ZNF506: variants seen among roughly 807,000 people sequenced by gnomAD.
The protein encoded by ZNF506 is zinc finger protein 506.
Under a neutral mutation model 11.6 loss-of-function variants are expected in ZNF506, and 10 were observed. The observed-to-expected ratio is 0.86, with a 90% confidence interval of 0.53 to 1.46. ZNF506 has a LOEUF of 1.46. Among genes scored for constraint, ZNF506 ranks in the 40% most tolerant of loss-of-function variants. The probability of loss-of-function intolerance (pLI) is 0.00; values close to 1 mark genes in which losing one functional copy is unlikely to be tolerated. For missense variants in ZNF506, 425 were observed against 521.2 expected, an observed-to-expected ratio of 0.82 and a Z score of 1.80; for synonymous variants, 156 against 173.3, an observed-to-expected ratio of 0.90 and a Z score of 0.78.
intron 1 of ZNF506, among the ~76,000 whole-genome samples, chr19:19,814,674 G>A (rs987502586): frequency 2.6e-5 from 4 of 151,640 alleles, no homozygotes; most frequent in Admixed American, 6.6e-5. Flanking sequence ...AAACCTACAT[G>A]TGTACCCTGA....
At chr19:19,795,690 C>T in intron 3 of ZNF506, 30 bp from the exon 4 acceptor site, 1 of 1,477,342 alleles carries the variant, frequency 6.8e-7, no homozygotes, top group Non-Finnish European at 9.0e-7. Flanking sequence ...CACATGACTT[C>T]AATTGCTAGA....
chr19:19,820,901 C>T (rs1040345759), intron 1 of ZNF506, among the ~76,000 whole-genome samples: 5 of 151,968 alleles, frequency 3.3e-5, no homozygotes, highest in African/African-American at 1.2e-4. Flanking sequence ...CTCCCCCCTC[C>T]CCGTTTGTGT....
intron 1 of ZNF506, among the ~76,000 whole-genome samples, chr19:19,818,170 T>C (rs1351029756): frequency 1.3e-5 from 2 of 152,150 alleles, no homozygotes; most frequent in Non-Finnish European, 2.9e-5. Flanking sequence ...AGCAAATATA[T>C]CTACTTCTTT....
intron 1 of ZNF506, among the ~76,000 whole-genome samples, chr19:19,818,508 G>A (rs993206830): frequency 2.0e-5 from 3 of 152,128 alleles, no homozygotes; most frequent in Non-Finnish European, 4.4e-5. Context: ...CTAAGGCTTA[G>A]AATTCTGTTT....
chr19:19,817,590 G>C (rs909960927), intron 1 of ZNF506, among the ~76,000 whole-genome samples: 1 of 152,034 alleles, frequency 6.6e-6, no homozygotes, highest in African/African-American at 2.4e-5. Context: ...CAGAATAAAG[G>C]CTTCTTCTAT....
Position 19,795,037 on chromosome 19 carries a change from G to A in ZNF506, c.850C>T (p.Pro284Ser). The A allele has an allele frequency of 1.2e-6, 2 of 1,613,754 alleles. No individual in the cohort carries two copies. The highest frequency in any genetic ancestry group is 2.2e-5 in the East Asian group (1 of 44,856). The change falls in exon 4 of 4, where the codon CCA becomes TCA. Residue 284 changes from proline to serine, a missense_variant. Around this residue, in one of 3 missense-constraint regions of ZNF506, gnomAD observed 192 missense variants for 215.7 expected, o/e 0.89. Coordinates refer to ENST00000540806, the MANE Select transcript of ZNF506 (RefSeq NM_001099269.3). ...SHKKIHTGEK[P>S]YKCDKCGKAF... ...TTGCCACATTTATCACACTTGTATGGTTTCTCTCCAGTATGAATTTTCTTA... is the reference window on the plus strand; with the variant it reads ...TTGCCACATTTATCACACTTGTATGATTTCTCTCCAGTATGAATTTTCTTA...
At chr19:19,802,564 T>A (rs60107993) in intron 3 of ZNF506, among the ~76,000 whole-genome samples, 128 of 152,320 alleles carry the variant, frequency 8.4e-4, no homozygotes, top group African/African-American at 3.0e-3. Context: ...TACATTATTA[T>A]TTAGATATAG....
intron 3 of ZNF506, chr19:19,798,851 T>G (rs1439161614): frequency 1.3e-5 from 2 of 152,058 alleles, no homozygotes; most frequent in Non-Finnish European, 2.9e-5. Flanking sequence ...AATATAATTA[T>G]CTTTCCAATC....
At chr19:19,801,625 G>A (rs1444324739) in intron 3 of ZNF506, among the ~76,000 whole-genome samples, 2 of 150,406 alleles carry the variant, frequency 1.3e-5, no homozygotes, top group Non-Finnish European at 3.0e-5. Flanking sequence ...ACCCCATCTC[G>A]ACTAAAAATA....
chr19:19,806,030 C>T lies in ZNF506; in HGVS notation c.226+1G>A. ...TCCTATTCATTTTCACTCGCACCTA[C>T]CTGGGGGTTTGGCAATCATCTCATG... On this transcript the variant is annotated splice_donor_variant, in intron 3 of 3. Coordinates refer to ENST00000540806, the MANE Select transcript of ZNF506 (RefSeq NM_001099269.3). LOFTEE classifies it high-confidence loss of function. The T allele has an allele frequency of 1.2e-6, 2 of 1,605,104 alleles. No individual in the cohort carries two copies. Among genetic ancestry groups the T allele is most frequent in the Non-Finnish European group, 1.7e-6 (2 of 1,176,990 alleles).
intron 1 of ZNF506, among the ~76,000 whole-genome samples, chr19:19,810,894 C>T (rs901358501): frequency 7.9e-5 from 12 of 151,966 alleles, no homozygotes; most frequent in Non-Finnish European, 1.2e-4. Flanking sequence ...CTAATCAGTT[C>T]TGTGAGGCAA....
At chr19:19,804,106 G>GCTT (rs1374340877) in intron 3 of ZNF506, among the ~76,000 whole-genome samples, 3 of 152,118 alleles carry the variant, frequency 2.0e-5, no homozygotes, top group South Asian at 2.1e-4. Context: ...AAACTAAAGA[G>GCTT]CTTCTGCACA....
chr19:19,794,858 A>C lies in ZNF506; in HGVS notation c.1029T>G (p.Cys343Trp). 1 of 1,613,862 alleles carries C rather than the reference A, an allele frequency of 6.2e-7. No individual in the cohort carries two copies. Residue 343 changes from cysteine (C) to tryptophan (W), a missense_variant, in exon 4 of 4, where the codon TGT (cysteine) becomes TGG (tryptophan). This residue lies in a region of ZNF506 where 192 missense variants were observed against 215.7 expected (regional missense o/e 0.89). Transcript: ENST00000540806. Reference sequence around the variant, plus strand: ...AGGTAAAGGTTTTGCCACATTCGTCACATTTGTAGGGTACATCTCCAGTAT... The same window carrying C: ...AGGTAAAGGTTTTGCCACATTCGTCCCATTTGTAGGGTACATCTCCAGTAT... ...RIHTGDVPYKCDECGKTFTWY... is the reference protein window; with the variant it reads ...RIHTGDVPYKWDECGKTFTWY...
chr19:19,798,859 A>G (rs1758549871), intron 3 of ZNF506: 2 of 152,062 alleles, frequency 1.3e-5, no homozygotes, highest in Admixed American at 6.5e-5. Context: ...TATCTTTCCA[A>G]TCAAGAGACA....
At position 19,795,656 on chromosome 19, in the gene ZNF506, C is replaced by T. The variant is rs765143844; in HGVS notation, c.231G>A (p.Met77Ile). 1.9e-5 allele frequency: 28 copies of T among 1,494,362 alleles called. No individual in the cohort carries two copies. In the African/African-American group the frequency reaches 3.0e-4, roughly 16 times the overall value. The allele number at this position is 1,494,362 out of a possible 1,614,324, so 92.6% of individuals were successfully genotyped here. A position where few individuals can be genotyped will look rare whatever the true frequency, so the allele number is the denominator to read the frequency against. Residue 77 changes from methionine to isoleucine, a missense_variant, in exon 4 of 4, where the codon ATG (methionine) becomes ATA (isoleucine). This residue lies in a region of ZNF506 where 226 missense variants were observed against 279.1 expected (regional missense o/e 0.81). Coordinates refer to ENST00000540806, the MANE Select transcript of ZNF506 (RefSeq NM_001099269.3). ...AAAGGTCTTGGGCAAAATGAGAATA[C>T]ATAACTGAAAGAAACAATAAAAACA... ...RHEMIAKPPV[M>I]YSHFAQDLWS...
chr19:19,820,823 A>C (rs961957960), intron 1 of ZNF506, among the ~76,000 whole-genome samples: 1 of 152,080 alleles, frequency 6.6e-6, no homozygotes, highest in African/African-American at 2.4e-5. Context: ...CAAACAACAA[A>C]CTGTAGCTGG....
At chr19:19,814,205 T>C (rs2062908900) in intron 1 of ZNF506, among the ~76,000 whole-genome samples, 2 of 151,734 alleles carry the variant, frequency 1.3e-5, no homozygotes, top group African/African-American at 2.4e-5. Flanking sequence ...GGTGCGGAGT[T>C]TGAGACCAGC....
rs773116570 is a variant in ZNF506 at position 19,794,744 on chromosome 19, G to T, written c.1143C>A (p.Phe381Leu). The change falls in exon 4 of 4, where the codon TTC becomes TTA. Residue 381 changes from phenylalanine to leucine, a missense_variant. This residue lies in a region of ZNF506 where 192 missense variants were observed against 215.7 expected (regional missense o/e 0.89). Transcript: ENST00000540806. ...CEECGKAFTA[F>L]STLTEHKIIH... is the part of the protein sequence containing the mutation. Reference sequence around the variant, plus strand: ...TTATCTTATGTTCAGTTAGAGTTGAGAATGCAGTAAAGGCTTTGCCACATT... The same window carrying T: ...TTATCTTATGTTCAGTTAGAGTTGATAATGCAGTAAAGGCTTTGCCACATT... The T allele has an allele frequency of 6.2e-7, 1 of 1,613,448 alleles. No individual in the cohort carries two copies. Among genetic ancestry groups the T allele is most frequent in the Non-Finnish European group, 8.5e-7 (1 of 1,179,832 alleles).
intron 1 of ZNF506, among the ~76,000 whole-genome samples, chr19:19,818,598 T>C (rs1005830336): frequency 2.6e-5 from 4 of 152,192 alleles, no homozygotes; most frequent in African/African-American, 9.7e-5. Flanking sequence ...ATGAGAATTA[T>C]TAACAAATAG....
Sources: gnomAD v4.1 joint callset for allele counts (sites outside exome capture counted in the v4.1 genomes callset) on GRCh38, gnomAD v4.1.1 for gene constraint, gnomAD v4.1.1 regional missense constraint, MANE v1.5 for transcripts, NCBI Gene and HGNC (gene_info 2026-07-23, HGNC 2026-07-21) for gene names.